TTC24: variants seen among roughly 807,000 people sequenced by gnomAD.
TTC24 encodes the protein tetratricopeptide repeat protein 24.
Under a neutral mutation model 63.3 loss-of-function variants are expected in TTC24, and 54 were observed. The observed-to-expected ratio is 0.85, with a 90% confidence interval of 0.69 to 1.07. The LOEUF is 1.07. Ranked by LOEUF, TTC24 falls within the 50% of genes least tolerant of loss-of-function variation. The pLI, the probability that TTC24 is intolerant of heterozygous loss-of-function variation, is 0.00. For missense variants in TTC24, 680 were observed against 730.5 expected (o/e 0.93, Z 0.80); for synonymous variants, 276 against 304.3 (o/e 0.91, Z 0.97).
chr1:156,585,750 T>C lies in TTC24; in HGVS notation c.1494T>C (p.His498=). The change falls in exon 9 of 11, where the codon CAT becomes CAC. Residue 498 remains histidine (H), a synonymous_variant. Transcript: ENST00000368236. ...FLPGTVNHSH[H]LASSCPTFTK... is the part of the protein sequence containing the mutation. ...CAGGCACAGTGAATCATTCGCACCATCTAGCTTCTAGTTGCCCCACGTTTA... is the reference window on the plus strand; with the variant it reads ...CAGGCACAGTGAATCATTCGCACCACCTAGCTTCTAGTTGCCCCACGTTTA... 1.2e-6 allele frequency: 2 copies of C among 1,613,960 alleles called. No homozygotes were observed. Among genetic ancestry groups the C allele is most frequent in the Non-Finnish European group, 1.7e-6 (2 of 1,179,854 alleles).
Position 156,586,718 on chromosome 1 carries a change from C to A in TTC24, c.*168C>A. ...AGGCTGGCCAAGGGCTTTGCAGGCT[C>A]GGCCCTGAGAGGTTCTGTTTGTTCC... On this transcript the variant is annotated 3_prime_UTR_variant, in exon 11 of 11. Transcript: ENST00000368236. 1.8e-6 allele frequency: 1 copy of A among 555,050 alleles called. No homozygotes were observed. Among genetic ancestry groups the A allele is most frequent in the Non-Finnish European group, 3.2e-6 (1 of 314,008 alleles). 34.4% of individuals were successfully genotyped at this position (555,050 alleles called of 1,614,324 possible). A position where few individuals can be genotyped will look rare whatever the true frequency, so the allele number is the denominator to read the frequency against.
Position 156,582,238 on chromosome 1 carries a change from C to G in TTC24, c.714C>G (p.Leu238=), listed in dbSNP as rs1571382584. Residue 238 remains leucine (L), a synonymous_variant, in exon 3 of 11, where the codon CTC becomes CTG. Coordinates refer to ENST00000368236, the MANE Select transcript of TTC24 (RefSeq NM_001105669.4). ...CCTGGCTATTCCCTCTAGGGCACCT[C>G]TATAACGATCTAGGCCTGGGCTACT... ...RSTERRLLGH[L]YNDLGLGYSQ... is the part of the protein sequence containing the mutation. 1 of 1,551,428 alleles carries G rather than the reference C, an allele frequency of 6.4e-7. No homozygotes were observed.
Position 156,582,446 on chromosome 1 carries a change from G to C in TTC24, c.910+12G>C, listed in dbSNP as rs1336350900. 1.2e-6 allele frequency: 2 copies of C among 1,613,054 alleles called. No individual in the cohort carries two copies. Among genetic ancestry groups the C allele is most frequent in the Admixed American group, 3.3e-5 (2 of 59,986 alleles). On this transcript the variant is annotated intron_variant, in intron 3 of 10. Coordinates refer to ENST00000368236, the MANE Select transcript of TTC24 (RefSeq NM_001105669.4). ...TGCTGACCTACACGGTGGGTGCCTG[G>C]GGCCGGGGAATGGGACTGGGACTAA... is the stretch of plus-strand genomic sequence containing the variant.
rs765522798 is a variant in TTC24, at chr1:156,585,173, G to GA, written c.1404dup (p.Glu469ArgfsTer34). ...AAGAGTTTGAGGAGGGCCACCAGAA[G>GA]AAAAAAGAGGAGAGGTCGGCAAACG... On this transcript the variant is annotated frameshift_variant, in exon 8 of 11. Coordinates refer to ENST00000368236, the MANE Select transcript of TTC24 (RefSeq NM_001105669.4). LOFTEE classifies it high-confidence loss of function. 3 of 1,613,292 alleles carry GA rather than the reference G, an allele frequency of 1.9e-6. No homozygotes were observed. The African/African-American group carries it at 4.0e-5, about 22-fold the overall frequency.
intron 8 of TTC24, 33 bp downstream of exon 8, chr1:156,585,264 T>C (rs1183544190): frequency 1.3e-6 from 2 of 1,544,780 alleles, no homozygotes; most frequent in Non-Finnish European, 1.8e-6. Context: ...TGGCGGTGCC[T>C]CTCCTTACTG....
chr1:156,583,336 AG>A lies in TTC24; in HGVS notation c.1042del. 6.2e-7 allele frequency: 1 copy of A among 1,612,520 alleles called. No individual in the cohort carries two copies. ...GGACCTTCCAGGCTCTCTTTCTCTC[AG>A]GGGACATGAAGGGACAGTGGCAGGC... is the stretch of plus-strand genomic sequence containing the variant. On this transcript the variant is annotated splice_acceptor_variant, in intron 4 of 10. Coordinates refer to ENST00000368236, the MANE Select transcript of TTC24 (RefSeq NM_001105669.4). LOFTEE classifies it high-confidence loss of function. The surrounding 1 kb of genome is among the most constrained non-coding windows in gnomAD (Gnocchi z 4.0).
Position 156,585,815 on chromosome 1 carries a change from C to T in TTC24, c.1559C>T (p.Ala520Val). The T allele has an allele frequency of 6.2e-7, 1 of 1,613,302 alleles. No homozygotes were observed. Among genetic ancestry groups the T allele is most frequent in the Non-Finnish European group, 8.5e-7 (1 of 1,179,234 alleles). The change falls in exon 9 of 11, where the codon GCC (alanine) becomes GTC (valine). Residue 520 changes from alanine (A) to valine (V), a missense_variant. Transcript: ENST00000368236. ...TGCAGAGGGACAGTCCTCGGCAAAG[C>T]CTCCATCTATAGTGAGCAGTGCATC... ...TPCRGTVLGK[A>V]SIYSPGPRAH...
In TTC24 at chr1:156,585,271, A is replaced by C. The variant is rs778779730; in HGVS notation, c.1456+40A>C. 6.6e-6 allele frequency: 10 copies of C among 1,521,350 alleles called. No individual in the cohort carries two copies. The African/African-American group carries it at 1.4e-4, about 21-fold the overall frequency. The allele number at this position is 1,521,350 out of a possible 1,614,324, so 94.2% of individuals were successfully genotyped here. A position where few individuals can be genotyped will look rare whatever the true frequency, so the allele number is the denominator to read the frequency against. On this transcript the variant is annotated intron_variant, in intron 8 of 10. Transcript: ENST00000368236. ...AGTATTCCTGGCGGTGCCTCTCCTTACTGCAAATATGGCACTCCCACCCCC... is the reference window on the plus strand; with the variant it reads ...AGTATTCCTGGCGGTGCCTCTCCTTCCTGCAAATATGGCACTCCCACCCCC...
In TTC24 at chr1:156,584,933, C is replaced by T; in HGVS notation, c.1308C>T (p.Thr436=). ...APGGASQAEG[T]PAKAGSSTAG... ...GTGGGGCCAGCCAGGCGGAGGGGAC[C>T]CCAGCAAAGGCAGGAAGCAGCACAG... Residue 436 remains threonine (T), a synonymous_variant, in exon 7 of 11, where the codon ACC becomes ACT. Coordinates refer to ENST00000368236, the MANE Select transcript of TTC24 (RefSeq NM_001105669.4). 4 of 1,604,386 alleles carry T rather than the reference C, an allele frequency of 2.5e-6. No individual in the cohort carries two copies. The highest frequency in any genetic ancestry group is 3.4e-6 in the Non-Finnish European group (4 of 1,175,808).
rs1221139198 is a variant in TTC24 at position 156,581,371 on chromosome 1, TC to T, written c.12del (p.Asn5ThrfsTer52). 6.7e-7 allele frequency: 1 copy of T among 1,492,816 alleles called. No individual in the cohort carries two copies. The highest frequency in any genetic ancestry group is 1.4e-5 in the African/African-American group (1 of 70,592). 92.5% of individuals were successfully genotyped at this position (1,492,816 alleles called of 1,614,324 possible). The part of the protein sequence containing the change: MS[S>X]PNPEDVPRRP... ...GTTCCCCTTTGTCAGCCCTATGTCTTCCCCCAACCCTGAGGATGTGCCCCGG... is the reference window on the plus strand; with the variant it reads ...GTTCCCCTTTGTCAGCCCTATGTCTTCCCCAACCCTGAGGATGTGCCCCGG... On this transcript the variant is annotated frameshift_variant, in exon 2 of 11. Transcript: ENST00000368236. LOFTEE classifies it high-confidence loss of function.
chr1:156,581,031 A>C (rs1245416827), intron 1 of TTC24, among the ~76,000 whole-genome samples: 21 of 152,166 alleles, frequency 1.4e-4, no homozygotes, highest in Admixed American at 1.4e-3. Flanking sequence ...ATCAGCTCTG[A>C]CCCAGTGTGA....
chr1:156,580,703 C>T (rs1231024953), intron 1 of TTC24, among the ~76,000 whole-genome samples: 1 of 152,096 alleles, frequency 6.6e-6, no homozygotes, highest in African/African-American at 2.4e-5. Context: ...GTCTCTATCT[C>T]TTGACCTCGT....
At chr1:156,584,525 A>C in intron 6 of TTC24, 1 of 231,780 alleles carries the variant, frequency 4.3e-6, no homozygotes, top group Non-Finnish European at 8.3e-6. Flanking sequence ...TCTGCAAGCA[A>C]AATTAAATTA....
intron 10 of TTC24, 76 bp downstream of exon 10, chr1:156,586,121 T>C (rs1677154635): frequency 9.1e-7 from 1 of 1,093,230 alleles, no homozygotes; most frequent in African/African-American, 1.6e-5. Flanking sequence ...ATGATTTTAA[T>C]GAAACACGAC....
chr1:156,583,488 T>G lies in TTC24; in HGVS notation c.1152+38T>G. The G allele has an allele frequency of 1.3e-6, 2 of 1,496,450 alleles. No homozygotes were observed. Among genetic ancestry groups the G allele is most frequent in the Non-Finnish European group, 1.8e-6 (2 of 1,108,018 alleles). The allele number at this position is 1,496,450 out of a possible 1,614,324, so 92.7% of individuals were successfully genotyped here. On this transcript the variant is annotated intron_variant, in intron 5 of 10. Transcript: ENST00000368236. This position sits in a 1 kb window ranked among gnomAD's most constrained non-coding sequence, Gnocchi z 4.0. ...ACACCGGAATCCACCTCTCCCCTGC[T>G]ATCCCTCTTCTGGCTGACATTCCTG...
chr1:156,585,257 C>A, intron 8 of TTC24, 26 bp downstream of exon 8: 1 of 1,564,474 alleles, frequency 6.4e-7, no homozygotes, highest in South Asian at 1.2e-5. Flanking sequence ...GTATTCCTGG[C>A]GGTGCCTCTC....
At position 156,586,795 on chromosome 1, in the gene TTC24, C is replaced by T; in HGVS notation, c.*245C>T. The stretch of plus-strand genomic sequence containing the variant: ...TAAAAGAAAAAAGGAAAATGGATGG[C>T]AAATTCCCTGTCTTTCTGAATCCAA... On this transcript the variant is annotated 3_prime_UTR_variant, in exon 11 of 11. Coordinates refer to ENST00000368236, the MANE Select transcript of TTC24 (RefSeq NM_001105669.4). The T allele has an allele frequency of 2.7e-6, 1 of 368,338 alleles. No homozygotes were observed. Among genetic ancestry groups the T allele is most frequent in the Non-Finnish European group, 5.0e-6 (1 of 200,474 alleles). The allele number at this position is 368,338 out of a possible 1,614,324, so 22.8% of individuals were successfully genotyped here. A position where few individuals can be genotyped will look rare whatever the true frequency, so the allele number is the denominator to read the frequency against.
chr1:156,581,836 G>A lies in TTC24; in HGVS notation c.472G>A (p.Ala158Thr). ...QPQGDQGEAWAKMGACYQALG... is the reference protein window; with the variant it reads ...QPQGDQGEAWTKMGACYQALG... The stretch of plus-strand genomic sequence containing the variant: ...ACAGGGTGACCAGGGAGAAGCCTGG[G>A]CAAAAATGGGAGCCTGCTACCAGGC... The change falls in exon 2 of 11, where the codon GCA (alanine) becomes ACA (threonine). Residue 158 changes from alanine (A) to threonine (T), a missense_variant. Ala to Thr is a moderately conservative substitution (Grantham distance 58). Transcript: ENST00000368236. 1.3e-6 allele frequency: 2 copies of A among 1,549,786 alleles called. No individual in the cohort carries two copies. Among genetic ancestry groups the A allele is most frequent in the East Asian group, 4.9e-5 (2 of 40,880 alleles).
In TTC24 at chr1:156,586,570, GC is replaced by G. The variant is rs1435461022; in HGVS notation, c.*23del. 6.2e-7 allele frequency: 1 copy of G among 1,608,084 alleles called. No individual in the cohort carries two copies. Among genetic ancestry groups the G allele is most frequent in the South Asian group, 1.1e-5 (1 of 89,990 alleles). ...GTGTGACCTCCCCCTGCCAGCCTCA[GC>G]CCTCATCCCTGAAGCACCTGTCCAA... On this transcript the variant is annotated 3_prime_UTR_variant, in exon 11 of 11. Coordinates refer to ENST00000368236, the MANE Select transcript of TTC24 (RefSeq NM_001105669.4).
Sources: allele counts gnomAD v4.1 joint callset (sites outside exome capture counted in the v4.1 genomes callset), GRCh38; gene constraint gnomAD v4.1.1; non-coding constraint Gnocchi (gnomAD v3.1); transcripts MANE v1.5; gene names NCBI Gene and HGNC (gene_info 2026-07-23, HGNC 2026-07-21).